CDH9: variants seen among roughly 807,000 people sequenced by gnomAD.
The protein encoded by CDH9 is cadherin-9.
CDH9 carries 28 observed loss-of-function variants against 70.9 expected under a neutral mutation model. That is an observed-to-expected ratio of 0.40 (90% CI 0.29 to 0.54). The LOEUF (loss-of-function observed/expected upper bound fraction) is 0.54, where lower values mean the gene tolerates loss of function less well. Among genes scored for constraint, CDH9 ranks in the 20% least tolerant of loss-of-function variants. The probability of loss-of-function intolerance (pLI) is 0.59; values close to 1 mark genes in which losing one functional copy is unlikely to be tolerated. For synonymous variants in CDH9, 409 were observed against 343.1 expected (o/e 1.19, Z -2.12); for missense variants, 874 against 984.4 (o/e 0.89, Z 1.50).
chr5:27,000,525 G>T (rs1422693664), intron 1 of CDH9, among the ~76,000 whole-genome samples: 2 of 152,086 alleles, frequency 1.3e-5, no homozygotes, highest in African/African-American at 4.8e-5. Flanking sequence ...AGGGACATAA[G>T]ATGACACAAT....
chr5:26,941,101 T>C (rs958634997), intron 2 of CDH9, among the ~76,000 whole-genome samples: 1 of 152,244 alleles, frequency 6.6e-6, no homozygotes, highest in African/African-American at 2.4e-5. Context: ...CACTTTCAGA[T>C]GGCTTCAAAC....
At chr5:26,999,989 T>G (rs149687790) in intron 1 of CDH9, among the ~76,000 whole-genome samples, 10 of 152,238 alleles carry the variant, frequency 6.6e-5, no homozygotes, top group African/African-American at 2.2e-4. Flanking sequence ...ACGATGAATT[T>G]TAGATACAAC....
intron 2 of CDH9, among the ~76,000 whole-genome samples, chr5:26,958,184 T>C (rs1387842720): frequency 2.0e-5 from 3 of 152,136 alleles, no homozygotes; most frequent in Non-Finnish European, 4.4e-5. Flanking sequence ...ATCTCTGAGG[T>C]GAGCAGCAGA....
intron 2 of CDH9, among the ~76,000 whole-genome samples, chr5:26,968,788 T>A (rs578142690): frequency 1.5e-4 from 23 of 152,098 alleles, no homozygotes; most frequent in African/African-American, 4.8e-4. Context: ...ACTGTTTTCA[T>A]GCCTTCAAAA....
At chr5:26,910,275 ATCTC>A (rs1409015433) in intron 3 of CDH9, among the ~76,000 whole-genome samples, 2 of 137,848 alleles carry the variant, frequency 1.5e-5, no homozygotes, top group Admixed American at 7.3e-5. Context: ...GGCATTAATT[ATCTC>A]TCTATATAAA....
chr5:26,991,898 T>A (rs1347366105), intron 1 of CDH9, among the ~76,000 whole-genome samples: 1 of 152,156 alleles, frequency 6.6e-6, no homozygotes, highest in African/African-American at 2.4e-5. Context: ...TATACTTCTA[T>A]CACCAACACC....
chr5:26,923,254 A>C (rs1741278888), intron 2 of CDH9, among the ~76,000 whole-genome samples: 2 of 149,808 alleles, frequency 1.3e-5, no homozygotes, highest in East Asian at 1.9e-4. Context: ...ACAACAACAA[A>C]AAGCAGGAGT....
chr5:26,948,282 T>C (rs1741787665), intron 2 of CDH9, among the ~76,000 whole-genome samples: 1 of 152,234 alleles, frequency 6.6e-6, no homozygotes, highest in Admixed American at 6.5e-5. Context: ...TAGAGCTGTT[T>C]GGGTTCCTAA....
chr5:27,002,556 G>A (rs554033717), intron 1 of CDH9, among the ~76,000 whole-genome samples: 36 of 152,254 alleles, frequency 2.4e-4, no homozygotes, highest in Non-Finnish European at 5.0e-4. Context: ...TTAAGAAAAT[G>A]TGGCACATAT....
At chr5:26,981,100 G>A (rs1742392184) in intron 2 of CDH9, among the ~76,000 whole-genome samples, 1 of 151,988 alleles carries the variant, frequency 6.6e-6, no homozygotes, top group East Asian at 1.9e-4. Context: ...AAATGCCATT[G>A]GCTAATATGT....
At position 26,885,657 on chromosome 5, in the gene CDH9, C is replaced by A. The variant is rs145328141; in HGVS notation, c.1839G>T (p.Thr613=). Residue 613 remains threonine, a synonymous_variant, in exon 11 of 12, where the codon ACG becomes ACT. Transcript: ENST00000231021. ...AGAGTAGAATCGCAACGAGAGCTCC[C>A]GTGCTCAGGCCGGCTGAAAGGATCA... The part of the protein sequence containing the change: ...EALILSAGLS[T]GALVAILLCV... The A allele has an allele frequency of 1.7e-5, 27 of 1,613,618 alleles. No individual in the cohort carries two copies. In the East Asian group the frequency reaches 5.1e-4, roughly 31 times the overall value.
chr5:26,996,036 A>C (rs1742660077), intron 1 of CDH9, among the ~76,000 whole-genome samples: 1 of 151,996 alleles, frequency 6.6e-6, no homozygotes, highest in African/African-American at 2.4e-5. Context: ...ATTAAATAGG[A>C]TTTTCAGCAT....
At chr5:27,023,030 T>G (rs924594644) in intron 1 of CDH9, among the ~76,000 whole-genome samples, 2 of 152,054 alleles carry the variant, frequency 1.3e-5, no homozygotes, top group East Asian at 3.9e-4. Context: ...TGTAAATGAC[T>G]TTGAAACTGA....
chr5:27,013,269 C>T (rs1404655759), intron 1 of CDH9, among the ~76,000 whole-genome samples: 1 of 151,892 alleles, frequency 6.6e-6, no homozygotes, highest in East Asian at 1.9e-4. Context: ...ATTTTCTTTT[C>T]CTGACTTCTG....
At chr5:26,889,330 C>A (rs1173372740) in intron 9 of CDH9, among the ~76,000 whole-genome samples, 2 of 152,032 alleles carry the variant, frequency 1.3e-5, no homozygotes, top group African/African-American at 2.4e-5. Flanking sequence ...CTTTTACAAA[C>A]AAATCTACTT....
chr5:26,987,243 T>G (rs1742504339), intron 2 of CDH9, among the ~76,000 whole-genome samples: 1 of 151,974 alleles, frequency 6.6e-6, no homozygotes, highest in Non-Finnish European at 1.5e-5. Flanking sequence ...ATCTGTAGAC[T>G]GCAAGTATTT....
Position 26,988,201 on chromosome 5 carries a change from C to T in CDH9, c.133G>A (p.Gly45Ser), listed in dbSNP as rs146128920. 6 of 1,613,356 alleles carry T rather than the reference C, an allele frequency of 3.7e-6. No homozygotes were observed. Among genetic ancestry groups the T allele is most frequent in the East Asian group, 2.2e-5 (1 of 44,812 alleles). ...CGCTTGGTGCGACGTAGCATTTTAC[C>T]GTCATCTTTTGTCAGACCCGCTATC... ...KKIAGLTKDD[G>S]KMLRRTKRGW... Residue 45 changes from glycine to serine, a missense_variant, in exon 2 of 12, where the codon GGT becomes AGT. Coordinates refer to ENST00000231021, the MANE Select transcript of CDH9 (RefSeq NM_016279.4).
intron 1 of CDH9, among the ~76,000 whole-genome samples, chr5:27,013,121 A>G (rs1264080675): frequency 5.9e-5 from 9 of 151,942 alleles, no homozygotes; most frequent in Non-Finnish European, 1.5e-5. Flanking sequence ...CTGGGTCTCT[A>G]CATGAGTAAA....
chr5:27,030,490 G>C (rs1004014774), intron 1 of CDH9, among the ~76,000 whole-genome samples: 2 of 151,180 alleles, frequency 1.3e-5, no homozygotes, highest in Non-Finnish European at 3.0e-5. Context: ...AGAAAAGCAG[G>C]GGGGATGGAA....
Sources: allele counts gnomAD v4.1 joint callset (sites outside exome capture counted in the v4.1 genomes callset), GRCh38; gene constraint gnomAD v4.1.1; transcripts MANE v1.5; gene names NCBI Gene and HGNC (gene_info 2026-07-23, HGNC 2026-07-21).